Variants in FBXO22 observed in about 807,000 individuals in gnomAD.
FBXO22 encodes F-box only protein 22.
A neutral mutation model predicts 37.2 loss-of-function variants in FBXO22; 13 were observed. The ratio of observed to expected loss-of-function variants is 0.35; its 90% CI spans 0.23 to 0.56. The LOEUF (loss-of-function observed/expected upper bound fraction) is 0.56, where lower values mean the gene tolerates loss of function less well. Ranked by LOEUF, FBXO22 falls within the 20% of genes least tolerant of loss-of-function variation. The probability of loss-of-function intolerance (pLI) is 0.87; values close to 1 mark genes in which losing one functional copy is unlikely to be tolerated. For synonymous variants in FBXO22, 189 were observed against 189.1 expected (o/e 1.00, Z 0.00); for missense variants, 446 against 509.9 (o/e 0.87, Z 1.21).
chr15:75,928,953 GA>G (rs1273654408), intron 5 of FBXO22, among the ~76,000 whole-genome samples: 2 of 152,170 alleles, frequency 1.3e-5, no homozygotes, highest in African/African-American at 2.4e-5. Flanking sequence ...TGGAGGAGGT[GA>G]ATAAAGCCTG....
intron 6 of FBXO22, among the ~76,000 whole-genome samples, chr15:75,932,412 C>T (rs1209818283): frequency 1.3e-5 from 2 of 152,044 alleles, no homozygotes; most frequent in Non-Finnish European, 2.9e-5. Flanking sequence ...TTCTAATAAC[C>T]GGATATGGGT....
intron 4 of FBXO22, 135 bp from the exon 5 acceptor site, chr15:75,917,095 C>T (rs1448407020): frequency 1.6e-6 from 1 of 644,650 alleles, no homozygotes; most frequent in Non-Finnish European, 2.7e-6. Flanking sequence ...TGACACTACA[C>T]CCTAAAACTG....
In FBXO22 at chr15:75,904,557, C is replaced by G; in HGVS notation, c.207C>G (p.Ile69Met). The change falls in exon 2 of 7, where the codon ATC becomes ATG. Residue 69 changes from isoleucine to methionine, a missense_variant. Ile to Met is a conservative substitution (Grantham distance 10). Transcript: ENST00000308275. Reference sequence around the variant, plus strand: ...GGACCCATCGGAGCGTAACCTGGATCTCCGCAGGCCTGGCGGAGGCCGGCC... The same window carrying G: ...GGACCCATCGGAGCGTAACCTGGATGTCCGCAGGCCTGGCGGAGGCCGGCC... Reference protein sequence around the residue: ...VLRTHRSVTWISAGLAEAGHL... With the variant: ...VLRTHRSVTWMSAGLAEAGHL... 6.2e-7 allele frequency: 1 copy of G among 1,613,464 alleles called. No individual in the cohort carries two copies. The highest frequency in any genetic ancestry group is 8.5e-7 in the Non-Finnish European group (1 of 1,179,684).
intron 5 of FBXO22, among the ~76,000 whole-genome samples, chr15:75,917,871 T>C (rs1900223044): frequency 6.6e-6 from 1 of 152,164 alleles, no homozygotes; most frequent in South Asian, 2.1e-4. Context: ...TTAGGAAATA[T>C]ATGAGTTAAG....
At chr15:75,911,253 T>C (rs988347987) in intron 2 of FBXO22, among the ~76,000 whole-genome samples, 6 of 152,242 alleles carry the variant, frequency 3.9e-5, no homozygotes, top group African/African-American at 1.4e-4. Context: ...ACAGGCTCTT[T>C]ATTGGTTCCA....
In FBXO22 at chr15:75,932,949, C is replaced by T. The variant is rs766657640; in HGVS notation, c.1059C>T (p.Pro353=). ...DAFRKFFPSV[P]LFGFFGNGEI... is the part of the protein sequence containing the mutation. ...TTAGAAAGTTTTTTCCTAGTGTTCC[C>T]TTATTCGGCTTCTTTGGAAATGGAG... The change falls in exon 7 of 7, where the codon CCC becomes CCT. Residue 353 remains proline (P), a synonymous_variant. Transcript: ENST00000308275. 2.2e-5 allele frequency: 36 copies of T among 1,614,080 alleles called. 1 individual carries two copies. The highest frequency in any genetic ancestry group is 2.4e-5 in the Non-Finnish European group (28 of 1,180,050).
At chr15:75,922,545 C>G (rs1334729192) in intron 5 of FBXO22, among the ~76,000 whole-genome samples, 1 of 152,156 alleles carries the variant, frequency 6.6e-6, no homozygotes, top group African/African-American at 2.4e-5. Flanking sequence ...AATCCCAGAG[C>G]ATGTTGGAGA....
intron 6 of FBXO22, among the ~76,000 whole-genome samples, chr15:75,932,004 A>T (rs1267971526): frequency 6.6e-6 from 1 of 152,196 alleles, no homozygotes; most frequent in Non-Finnish European, 1.5e-5. Context: ...GCTTGAGCCC[A>T]GGAGTTTGAG....
chr15:75,931,599 G>C (rs572047906), intron 6 of FBXO22, among the ~76,000 whole-genome samples: 2 of 152,188 alleles, frequency 1.3e-5, no homozygotes, highest in East Asian at 3.9e-4. Flanking sequence ...ACCTTTTTGC[G>C]TCTTAGTTTC....
chr15:75,913,975 G>C, intron 3 of FBXO22, 135 bp from the exon 4 acceptor site: 1 of 613,058 alleles, frequency 1.6e-6, no homozygotes, highest in Non-Finnish European at 2.8e-6. Context: ...TTTAATCAAT[G>C]CTTTTAGACC....
rs572192739 is a variant in FBXO22 at position 75,936,953 on chromosome 15, G to C, written c.*3851G>C. On this transcript the variant is annotated 3_prime_UTR_variant, in exon 7 of 7. Coordinates refer to ENST00000308275, the MANE Select transcript of FBXO22 (RefSeq NM_147188.3). ...TTAGCCAGTAAAAACAGGGAAGATT[G>C]ATTAATTTAGAAGAAATTGAAAGAA... The C allele has an allele frequency of 6.6e-6, 1 of 152,192 alleles. No individual in the cohort carries two copies. Among genetic ancestry groups the C allele is most frequent in the African/African-American group, 2.4e-5 (1 of 41,508 alleles). The allele number at this position is 152,192 out of a possible 1,614,324, so 9.4% of individuals were successfully genotyped here.
chr15:75,924,684 C>G (rs1900401886), intron 5 of FBXO22, among the ~76,000 whole-genome samples: 1 of 151,660 alleles, frequency 6.6e-6, no homozygotes, highest in Admixed American at 6.6e-5. Flanking sequence ...TGCCTGGCAG[C>G]TCTACAGTGC....
intron 6 of FBXO22, among the ~76,000 whole-genome samples, chr15:75,931,591 C>G (rs564732860): frequency 4.2e-4 from 64 of 152,326 alleles, no homozygotes; most frequent in Middle Eastern, 3.4e-3. Flanking sequence ...GTCACTTAAC[C>G]TTTTTGCGTC....
chr15:75,923,784 T>C (rs1222049825), intron 5 of FBXO22, among the ~76,000 whole-genome samples: 1 of 152,176 alleles, frequency 6.6e-6, no homozygotes, highest in Non-Finnish European at 1.5e-5. Context: ...AAAAAGTATA[T>C]GCAGGAGACA....
rs1731101285 is a variant in FBXO22 at position 75,938,347 on chromosome 15, C to T, written c.*5245C>T. On this transcript the variant is annotated 3_prime_UTR_variant, in exon 7 of 7. Transcript: ENST00000308275. ...GAAAGAATCTCATACCTAGAGTTAC[C>T]ATATTATAATAGTGAATATCCAACT... 3.3e-5 allele frequency: 5 copies of T among 152,052 alleles called. No individual in the cohort carries two copies. The South Asian group carries it at 1.0e-3, about 32-fold the overall frequency. 9.4% of individuals were successfully genotyped at this position (152,052 alleles called of 1,614,324 possible).
chr15:75,916,722 A>G (rs773447754), intron 4 of FBXO22, among the ~76,000 whole-genome samples: 2 of 152,326 alleles, frequency 1.3e-5, no homozygotes, highest in South Asian at 2.1e-4. Flanking sequence ...GCTATATTCT[A>G]TGATACCAAT....
intron 5 of FBXO22, among the ~76,000 whole-genome samples, chr15:75,918,622 T>C (rs1567053846): frequency 6.6e-6 from 1 of 152,196 alleles, no homozygotes; most frequent in African/African-American, 2.4e-5. Flanking sequence ...CATTAGCTGA[T>C]GGTGGATAAA....
intron 5 of FBXO22, among the ~76,000 whole-genome samples, chr15:75,927,368 AAG>A (rs946495314): frequency 1.3e-5 from 2 of 152,186 alleles, no homozygotes; most frequent in African/African-American, 4.8e-5. Context: ...GATGTTGTAA[AAG>A]AGCATCTAGA....
chr15:75,932,280 C>T (rs1567057258), intron 6 of FBXO22, among the ~76,000 whole-genome samples: 2 of 152,080 alleles, frequency 1.3e-5, no homozygotes, highest in African/African-American at 2.4e-5. Flanking sequence ...CAGCTGAAGT[C>T]GGGGGGAAGA....
Sources: gnomAD v4.1 joint callset for allele counts (sites outside exome capture counted in the v4.1 genomes callset) on GRCh38, gnomAD v4.1.1 for gene constraint, MANE v1.5 for transcripts, NCBI Gene and HGNC (gene_info 2026-07-23, HGNC 2026-07-21) for gene names.